Variants in ST3GAL3 observed in about 807,000 individuals in gnomAD.
The protein encoded by ST3GAL3 is CMP-N-acetylneuraminate-beta-1,4-galactoside alpha-2,3-sialyltransferase.
Under a neutral mutation model 50.1 loss-of-function variants are expected in ST3GAL3, and 21 were observed. The ratio of observed to expected loss-of-function variants is 0.42; its 90% CI spans 0.30 to 0.60. The LOEUF (loss-of-function observed/expected upper bound fraction) is 0.60. Ranked by LOEUF, ST3GAL3 falls within the 20% of genes least tolerant of loss-of-function variation. The pLI is 0.19. For synonymous variants in ST3GAL3, 183 were observed against 190.0 expected (o/e 0.96, Z 0.30); for missense variants, 353 against 489.4 (o/e 0.72, Z 2.63).
At chr1:43,819,567 A>T (rs1345553282) in intron 4 of ST3GAL3, among the ~76,000 whole-genome samples, 2 of 152,198 alleles carry the variant, frequency 1.3e-5, no homozygotes, top group Non-Finnish European at 2.9e-5. Context: ...ACACAGCTAT[A>T]TCTTGAGAAT....
intron 4 of ST3GAL3, among the ~76,000 whole-genome samples, chr1:43,836,087 C>A (rs933768255): frequency 1.6e-4 from 24 of 152,138 alleles, no homozygotes; most frequent in African/African-American, 5.8e-4. Flanking sequence ...CTTTCTAGGC[C>A]TTGTGTGTAA....
At chr1:43,898,009 G>C (rs1033859234) in intron 6 of ST3GAL3, among the ~76,000 whole-genome samples, 2 of 152,198 alleles carry the variant, frequency 1.3e-5, no homozygotes, top group Non-Finnish European at 2.9e-5. Context: ...GCCAGTGTTA[G>C]GGACGGGCTC....
At chr1:43,727,175 C>G (rs939107053) in intron 1 of ST3GAL3, 17 of 152,142 alleles carry the variant, frequency 1.1e-4, no homozygotes, top group African/African-American at 3.6e-4. Context: ...TCCTTTTGAC[C>G]TGTCCTCACT....
At chr1:43,765,743 C>CTGTGTGTG (rs763910168) in intron 2 of ST3GAL3, among the ~76,000 whole-genome samples, 15 of 140,898 alleles carry the variant, frequency 1.1e-4, no homozygotes, top group African/African-American at 3.3e-4. Flanking sequence ...ATGTGTGTGT[C>CTGTGTGTG]TGTGTGTGTC....
chr1:43,872,254 T>G (rs1439369027), intron 5 of ST3GAL3, among the ~76,000 whole-genome samples: 13 of 67,354 alleles, frequency 1.9e-4, no homozygotes, highest in South Asian at 7.0e-4. Context: ...AGGAGAGGTG[T>G]GGGGGGAAGG....
At chr1:43,772,048 A>G in intron 2 of ST3GAL3, 1 of 367,694 alleles carries the variant, frequency 2.7e-6, no homozygotes, top group Non-Finnish European at 4.7e-6. Context: ...TTTTTTTTTT[A>G]GATGGAGTTT....
chr1:43,806,556 T>A (rs916914612), intron 3 of ST3GAL3, among the ~76,000 whole-genome samples: 2 of 152,104 alleles, frequency 1.3e-5, no homozygotes, highest in Admixed American at 6.5e-5. Flanking sequence ...ACAAGAAGGA[T>A]CAAGGCTGGA....
chr1:43,716,853 G>A (rs1667644930), intron 1 of ST3GAL3, among the ~76,000 whole-genome samples: 1 of 152,190 alleles, frequency 6.6e-6, no homozygotes. Context: ...CCTTCGAGGT[G>A]TACATCCCGT....
intron 5 of ST3GAL3, chr1:43,879,015 A>G (rs1261654020): frequency 2.2e-6 from 1 of 456,298 alleles, no homozygotes; most frequent in Non-Finnish European, 4.4e-6. Context: ...AAAGAGTGAT[A>G]CGTGCTTACA....
intron 4 of ST3GAL3, chr1:43,825,013 G>C (rs963057374): frequency 1.4e-6 from 1 of 698,518 alleles, no homozygotes; most frequent in African/African-American, 1.8e-5. Flanking sequence ...CCTGTACATA[G>C]GAGTATGTCT....
chr1:43,720,785 A>G (rs1176075408), intron 1 of ST3GAL3, among the ~76,000 whole-genome samples: 1 of 152,182 alleles, frequency 6.6e-6, no homozygotes, highest in Non-Finnish European at 1.5e-5. Context: ...TTCCACTCTT[A>G]GGTATATGCC....
At chr1:43,848,277 T>C (rs2066606615) in intron 5 of ST3GAL3, among the ~76,000 whole-genome samples, 3 of 146,492 alleles carry the variant, frequency 2.0e-5, no homozygotes, top group Admixed American at 1.4e-4. Context: ...TATTATGGTG[T>C]CCCTTGTTGT....
chr1:43,735,932 G>A (rs1189925265), intron 1 of ST3GAL3, among the ~76,000 whole-genome samples: 1 of 152,182 alleles, frequency 6.6e-6, no homozygotes, highest in African/African-American at 2.4e-5. Flanking sequence ...TAGTGATCAT[G>A]GGAAGGGGCT....
chr1:43,898,073 A>G, intron 6 of ST3GAL3, 162 bp from the exon 7 acceptor site: 1 of 755,384 alleles, frequency 1.3e-6, no homozygotes, highest in Non-Finnish European at 2.3e-6. Context: ...CTCAGGAAGA[A>G]AGTCAGGGCA....
chr1:43,747,777 C>T (rs993503977), intron 2 of ST3GAL3, among the ~76,000 whole-genome samples: 5 of 152,050 alleles, frequency 3.3e-5, no homozygotes, highest in African/African-American at 1.2e-4. Context: ...GACAGGGTTT[C>T]ACCATGTTGG....
At chr1:43,884,711 A>G (rs1382294612) in intron 5 of ST3GAL3, among the ~76,000 whole-genome samples, 1 of 152,148 alleles carries the variant, frequency 6.6e-6, no homozygotes, top group Admixed American at 6.5e-5. Flanking sequence ...CTAAGAACTC[A>G]TTGCTGGGCT....
intron 3 of ST3GAL3, among the ~76,000 whole-genome samples, chr1:43,813,021 T>G (rs2060748590): frequency 6.6e-6 from 1 of 152,214 alleles, no homozygotes; most frequent in Non-Finnish European, 1.5e-5. Flanking sequence ...ACAGGATTTG[T>G]TTTTTAATGC....
At position 43,849,665 on chromosome 1, in the gene ST3GAL3, C is replaced by T. The variant is rs186635460; in HGVS notation, c.302+11354C>T. Among the ~76,000 whole-genome samples the T allele has an allele frequency of 2.6e-3, 403 of 152,316 alleles. 2 individuals are homozygous for T. The highest frequency in any genetic ancestry group is 4.0e-3 in the Non-Finnish European group (270 of 68,032). On this transcript the variant is annotated intron_variant, in intron 5 of 11. Coordinates refer to ENST00000347631, the MANE Select transcript of ST3GAL3 (RefSeq NM_006279.5). ...AGCAGGAAAGCCTGGTTGATTCTCACACCAGTATGGGACTGGGATTTCCCA... is the reference window on the plus strand; with the variant it reads ...AGCAGGAAAGCCTGGTTGATTCTCATACCAGTATGGGACTGGGATTTCCCA...
At chr1:43,881,281 G>A (rs1482327138) in intron 5 of ST3GAL3, among the ~76,000 whole-genome samples, 3 of 152,234 alleles carry the variant, frequency 2.0e-5, no homozygotes, top group Admixed American at 6.5e-5. Flanking sequence ...AAAGTGTTGG[G>A]ATTACAGGCG....
Sources: allele counts gnomAD v4.1 joint callset (sites outside exome capture counted in the v4.1 genomes callset), GRCh38; gene constraint gnomAD v4.1.1; transcripts MANE v1.5; gene names NCBI Gene and HGNC (gene_info 2026-07-23, HGNC 2026-07-21).